Variants in SEZ6L observed in about 807,000 individuals in gnomAD.
SEZ6L encodes seizure 6-like protein.
A neutral mutation model predicts 106.2 loss-of-function variants in SEZ6L; 37 were observed. The ratio of observed to expected loss-of-function variants is 0.35; its 90% confidence interval spans 0.27 to 0.46. The LOEUF is 0.46. Among genes scored for constraint, SEZ6L ranks in the 20% least tolerant of loss-of-function variants. The pLI is 1.00. For synonymous variants in SEZ6L, 541 were observed against 570.4 expected (o/e 0.95, Z 0.73); for missense variants, 1,172 against 1,332.8 (o/e 0.88, Z 1.88).
intron 13 of SEZ6L, 31 bp downstream of exon 13, chr22:26,365,597 ACGGGGCCTGGAGATGT>A: frequency 6.3e-7 from 1 of 1,584,882 alleles, no homozygotes; most frequent in South Asian, 1.1e-5. Flanking sequence ...CACAGGGTCC[ACGGGGCCTGGAGATGT>A]CAGGCTCCTG....
intron 12 of SEZ6L, among the ~76,000 whole-genome samples, chr22:26,362,234 A>G (rs1941125): frequency 0.7 from 106,209 of 152,110 alleles, 37,497 homozygotes; most frequent in East Asian, 0.96. Context: ...TCTGGGCTCA[A>G]ACACAGAAGC....
chr22:26,342,996 T>C (rs906626668), intron 10 of SEZ6L, among the ~76,000 whole-genome samples: 1 of 152,174 alleles, frequency 6.6e-6, no homozygotes, highest in Admixed American at 6.6e-5. Context: ...AACACGAGTA[T>C]TGATCTTCTT....
chr22:26,373,577 A>C, intron 14 of SEZ6L, 94 bp downstream of exon 14: 1 of 948,278 alleles, frequency 1.1e-6, no homozygotes, highest in Non-Finnish European at 1.6e-6. Context: ...TTAGACACTT[A>C]AAAAATAAAT....
chr22:26,292,010 AGGAAGGAAGGAAGGAAGGAAGGAAGGAT>A lies in SEZ6L; in HGVS notation c.95-392_95-365del, dbSNP rs1244128152. On this transcript the variant is annotated intron_variant, in intron 1 of 16. Coordinates refer to ENST00000248933, the MANE Select transcript of SEZ6L (RefSeq NM_021115.5). ...AAGGAAGGAAGGAAGGAAGGAAGGAAGGAAGGAAGGAAGGAAGGAAGGAAGGATGGATGGAAGGAAAGAAGGAAGGAAA... is the reference window on the plus strand; with the variant it reads ...AAGGAAGGAAGGAAGGAAGGAAGGAAGGATGGAAGGAAAGAAGGAAGGAAA... Among the ~76,000 whole-genome samples, 913 of 125,262 alleles carry A rather than the reference AGGAAGGAAGGAAGGAAGGAAGGAAGGAT, an allele frequency of 7.3e-3. 12 individuals are homozygous for A. The highest frequency in any genetic ancestry group is 0.027 in the African/African-American group (822 of 30,240). The allele number at this position is 125,262 out of a possible 152,430, so 82.2% of individuals were successfully genotyped here.
chr22:26,359,522 G>T (rs1263065224), intron 12 of SEZ6L, among the ~76,000 whole-genome samples: 1 of 152,204 alleles, frequency 6.6e-6, no homozygotes, highest in Admixed American at 6.5e-5. Flanking sequence ...TGATGACCAG[G>T]CATGATGGCT....
intron 9 of SEZ6L, among the ~76,000 whole-genome samples, chr22:26,335,249 C>A (rs2082609619): frequency 6.6e-6 from 1 of 152,238 alleles, no homozygotes; most frequent in African/African-American, 2.4e-5. Flanking sequence ...CAGAGAGTAA[C>A]TTGATTATTT....
intron 9 of SEZ6L, among the ~76,000 whole-genome samples, chr22:26,331,413 T>G (rs1255804005): frequency 2.6e-5 from 4 of 152,204 alleles, no homozygotes; most frequent in African/African-American, 9.6e-5. Context: ...TTTCCCATCC[T>G]TCCCCAGCAA....
chr22:26,323,349 A>G lies in SEZ6L; in HGVS notation c.2015+9447A>G, dbSNP rs948294935. ...ATATCTGTTGAATGAAAGAGACGGTAAGGCTGGGCACAGTGGCTCATGCGT... is the reference window on the plus strand; with the variant it reads ...ATATCTGTTGAATGAAAGAGACGGTGAGGCTGGGCACAGTGGCTCATGCGT... On this transcript the variant is annotated intron_variant, in intron 9 of 16. Coordinates refer to ENST00000248933, the MANE Select transcript of SEZ6L (RefSeq NM_021115.5). Among the ~76,000 whole-genome samples, 8 of 152,332 alleles carry G rather than the reference A, an allele frequency of 5.3e-5. No homozygotes were observed. In the South Asian group the frequency reaches 6.2e-4, roughly 12 times the overall value.
intron 13 of SEZ6L, among the ~76,000 whole-genome samples, chr22:26,371,003 C>G (rs1476563549): frequency 2.7e-5 from 1 of 36,674 alleles, no homozygotes; most frequent in African/African-American, 1.0e-4. Context: ...GACCCTGTAT[C>G]ACAAAAAAAA....
intron 1 of SEZ6L, among the ~76,000 whole-genome samples, chr22:26,224,161 T>C (rs866008245): frequency 6.6e-6 from 1 of 151,916 alleles, no homozygotes; most frequent in East Asian, 1.9e-4. Context: ...ATTCTAGGAG[T>C]CTGTAAATCA....
At chr22:26,315,196 T>C (rs1201045727) in intron 9 of SEZ6L, among the ~76,000 whole-genome samples, 1 of 152,202 alleles carries the variant, frequency 6.6e-6, no homozygotes, top group Non-Finnish European at 1.5e-5. Context: ...CAAGTGTCCT[T>C]AGTCTGGGTG....
intron 1 of SEZ6L, among the ~76,000 whole-genome samples, chr22:26,215,381 T>G (rs2078271904): frequency 6.6e-6 from 1 of 152,176 alleles, no homozygotes; most frequent in African/African-American, 2.4e-5. Flanking sequence ...CACCTCCCAC[T>G]CAGACATACT....
chr22:26,261,519 T>C (rs1601301685), intron 1 of SEZ6L, among the ~76,000 whole-genome samples: 1 of 152,226 alleles, frequency 6.6e-6, no homozygotes, highest in Non-Finnish European at 1.5e-5. Context: ...CTTTGTTTGC[T>C]TCAACAAACC....
chr22:26,286,462 T>G (rs1351006143), intron 1 of SEZ6L, among the ~76,000 whole-genome samples: 1 of 152,232 alleles, frequency 6.6e-6, no homozygotes, highest in African/African-American at 2.4e-5. Flanking sequence ...CACCAGGGCC[T>G]CCATCTTAGT....
At chr22:26,179,392 A>T (rs1198502084) in intron 1 of SEZ6L, among the ~76,000 whole-genome samples, 3 of 152,170 alleles carry the variant, frequency 2.0e-5, no homozygotes, top group African/African-American at 7.2e-5. Context: ...CCTTGTATTT[A>T]AAAAACAACA....
At position 26,377,578 on chromosome 22, in the gene SEZ6L, G is replaced by A. The variant is rs958459331; in HGVS notation, c.2943-95G>A. 13 of 969,326 alleles carry A rather than the reference G, an allele frequency of 1.3e-5. 1 individual carries two copies. The highest frequency in any genetic ancestry group is 4.3e-4 in the Middle Eastern group (2 of 4,670). 60.0% of individuals were successfully genotyped at this position (969,326 alleles called of 1,614,324 possible). A position where few individuals can be genotyped will look rare whatever the true frequency, so the allele number is the denominator to read the frequency against. ...CCTCGTCGTCATTCACAGAGGTGCC[G>A]CTGCTCAGGAAGTGGCACCAACTGT... On this transcript the variant is annotated intron_variant, in intron 15 of 16. Coordinates refer to ENST00000248933, the MANE Select transcript of SEZ6L (RefSeq NM_021115.5).
At chr22:26,349,599 C>T (rs1236928075) in intron 11 of SEZ6L, among the ~76,000 whole-genome samples, 1 of 152,198 alleles carries the variant, frequency 6.6e-6, no homozygotes, top group Admixed American at 6.5e-5. Context: ...GTTTTGGGCT[C>T]AAGCAGTCCT....
intron 9 of SEZ6L, among the ~76,000 whole-genome samples, chr22:26,320,846 G>A (rs937343365): frequency 1.4e-4 from 21 of 152,168 alleles, no homozygotes; most frequent in African/African-American, 3.4e-4. Context: ...GGGAGGGTGC[G>A]GGGGAGAGCA....
chr22:26,319,787 C>T (rs764020151), intron 9 of SEZ6L, among the ~76,000 whole-genome samples: 4 of 152,164 alleles, frequency 2.6e-5, no homozygotes, highest in Non-Finnish European at 4.4e-5. Flanking sequence ...TATTCACTGC[C>T]GTAACCCTAA....
Sources: allele counts gnomAD v4.1 joint callset (sites outside exome capture counted in the v4.1 genomes callset), GRCh38; gene constraint gnomAD v4.1.1; transcripts MANE v1.5; gene names NCBI Gene and HGNC (gene_info 2026-07-23, HGNC 2026-07-21).